Variants in DPYSL2 observed in about 807,000 individuals in gnomAD.
DPYSL2 encodes the protein dihydropyrimidinase like 2.
In DPYSL2, 13 loss-of-function variants were observed where a neutral mutation model predicts 69.9. That is an observed-to-expected ratio of 0.19 (90% confidence interval 0.12 to 0.30). The LOEUF is 0.30. Ranked by LOEUF, DPYSL2 falls within the 10% of genes least tolerant of loss-of-function variation. DPYSL2 has a pLI of 1.00. For missense variants in DPYSL2, 587 were observed against 918.9 expected, an observed-to-expected ratio of 0.64 and a Z score of 4.67; for synonymous variants, 326 against 359.1, an observed-to-expected ratio of 0.91 and a Z score of 1.04.
At chr8:26,532,902 G>C (rs1298020739) in intron 1 of DPYSL2, among the ~76,000 whole-genome samples, 1 of 152,126 alleles carries the variant, frequency 6.6e-6, no homozygotes, top group Non-Finnish European at 1.5e-5. Context: ...TAAAATTCCT[G>C]GGTTATTTGG....
rs1445703079 is a variant in DPYSL2 at position 26,580,295 on chromosome 8, G to T, written c.355-1674G>T. On this transcript the variant is annotated intron_variant, in intron 1 of 13. Transcript: ENST00000521913. The surrounding 1 kb of genome is among the most constrained non-coding windows in gnomAD (Gnocchi z 4.1). ...AGAGGACAAGTGCACTGATTTGAGT[G>T]ACCTGGGCAAGTGGCCTAACCTCTC... is the stretch of plus-strand genomic sequence containing the variant. Among the ~76,000 whole-genome samples, 1 of 152,166 alleles carries T rather than the reference G, an allele frequency of 6.6e-6. No individual in the cohort carries two copies. Among genetic ancestry groups the T allele is most frequent in the African/African-American group, 2.4e-5 (1 of 41,424 alleles).
At chr8:26,548,057 A>G (rs145185507) in intron 1 of DPYSL2, 12 of 253,906 alleles carry the variant, frequency 4.7e-5, no homozygotes, top group East Asian at 2.7e-4. Flanking sequence ...TGGTGATCAC[A>G]TGGATCCAGC....
chr8:26,550,761 A>G (rs1356822653), intron 1 of DPYSL2, among the ~76,000 whole-genome samples: 1 of 152,174 alleles, frequency 6.6e-6, no homozygotes, highest in Non-Finnish European at 1.5e-5. Context: ...GGAAGCTGGT[A>G]GCTGGCTCAG....
intron 1 of DPYSL2, among the ~76,000 whole-genome samples, chr8:26,541,632 A>G (rs1405367836): frequency 6.6e-6 from 1 of 152,212 alleles, no homozygotes; most frequent in Non-Finnish European, 1.5e-5. Flanking sequence ...TCGCTAATGG[A>G]TATATGATAT....
Position 26,581,954 on chromosome 8 carries a change from G to A in DPYSL2, c.355-15G>A, listed in dbSNP as rs765049299. On this transcript the variant is annotated splice_polypyrimidine_tract_variant and intron_variant, in intron 1 of 13. Transcript: ENST00000521913. ...GTCAGTTACGCGTTGTGACCTTACT[G>A]CCTCTTTGTTTCAGAGCGATCGTCT... 1 of 1,609,318 alleles carries A rather than the reference G, an allele frequency of 6.2e-7. No individual in the cohort carries two copies. Among genetic ancestry groups the A allele is most frequent in the Admixed American group, 1.7e-5 (1 of 59,998 alleles).
Position 26,641,023 on chromosome 8 carries a change from A to G in DPYSL2, c.1127-2416A>G, listed in dbSNP as rs965427079. Reference sequence around the variant, plus strand: ...CCTCATAGAGCAGCTCCCCACCCCAAGCTGAGTTGTGTTTCGCAGGGAGAG... The same window carrying G: ...CCTCATAGAGCAGCTCCCCACCCCAGGCTGAGTTGTGTTTCGCAGGGAGAG... On this transcript the variant is annotated intron_variant, in intron 8 of 13. Coordinates refer to ENST00000521913, the MANE Select transcript of DPYSL2 (RefSeq NM_001197293.3). This position sits in a 1 kb window ranked among gnomAD's most constrained non-coding sequence, Gnocchi z 4.1. Among the ~76,000 whole-genome samples, 4 of 152,176 alleles carry G rather than the reference A, an allele frequency of 2.6e-5. No homozygotes were observed. The highest frequency in any genetic ancestry group is 6.5e-5 in the Admixed American group (1 of 15,276).
rs750639372 is a variant in DPYSL2, at chr8:26,644,039, A to C, written c.1373A>C (p.Glu458Ala). ...AAGGACAACTTCACCCTGATTCCGG[A>C]GGGCACCAATGGCACTGAGGAGCGG... ...VGKDNFTLIP[E>A]GTNGTEERMS... Residue 458 changes from glutamate to alanine, a missense_variant, in exon 10 of 14, where the codon GAG (glutamate) becomes GCG (alanine). By Grantham distance (107) the Glu-to-Ala change is moderately radical. Coordinates refer to ENST00000521913, the MANE Select transcript of DPYSL2 (RefSeq NM_001197293.3). The surrounding 1 kb of genome is among the most constrained non-coding windows in gnomAD (Gnocchi z 4.5). 6.2e-7 allele frequency: 1 copy of C among 1,614,236 alleles called. No homozygotes were observed. Among genetic ancestry groups the C allele is most frequent in the Admixed American group, 1.7e-5 (1 of 60,034 alleles).
chr8:26,647,530 T>G lies in DPYSL2; in HGVS notation c.1426-100T>G. The G allele has an allele frequency of 1.5e-6, 2 of 1,298,732 alleles. No homozygotes were observed. The highest frequency in any genetic ancestry group is 2.1e-6 in the Non-Finnish European group (2 of 939,868). The allele number at this position is 1,298,732 out of a possible 1,614,324, so 80.5% of individuals were successfully genotyped here. ...CTTGGCACAACGCTCTTGACATCCA[T>G]CTAAGCTGTCGTGTGTATCAATAGT... is the stretch of plus-strand genomic sequence containing the variant. On this transcript the variant is annotated intron_variant, in intron 10 of 13. Transcript: ENST00000521913. The surrounding 1 kb of genome is among the most constrained non-coding windows in gnomAD (Gnocchi z 5.1).
At chr8:26,539,689 A>G (rs1161088422) in intron 1 of DPYSL2, among the ~76,000 whole-genome samples, 2 of 152,140 alleles carry the variant, frequency 1.3e-5, no homozygotes, top group Admixed American at 6.5e-5. Flanking sequence ...ACAGGGATGC[A>G]CCACCACGTC....
At chr8:26,529,128 A>G (rs1032193921) in intron 1 of DPYSL2, among the ~76,000 whole-genome samples, 2 of 152,192 alleles carry the variant, frequency 1.3e-5, no homozygotes, top group African/African-American at 4.8e-5. Flanking sequence ...ATGGCAAAGC[A>G]TCAGAAAAAC....
intron 7 of DPYSL2, among the ~76,000 whole-genome samples, chr8:26,629,589 C>T (rs1802695707): frequency 6.6e-6 from 1 of 152,184 alleles, no homozygotes; most frequent in African/African-American, 2.4e-5. Context: ...TGGCCTGGCA[C>T]AGGCCCGAGG....
In DPYSL2 at chr8:26,586,316, A is replaced by G. The variant is rs1276933581; in HGVS notation, c.628+2333A>G. On this transcript the variant is annotated intron_variant, in intron 3 of 13. Transcript: ENST00000521913. The surrounding 1 kb of genome is among the most constrained non-coding windows in gnomAD (Gnocchi z 4.7). ...CTACATGACCCTGGAAGTCCTTTCC[A>G]GCCCCCTACATTTGGCCATTCACTG... Among the ~76,000 whole-genome samples, 1 of 152,092 alleles carries G rather than the reference A, an allele frequency of 6.6e-6. No individual in the cohort carries two copies. The highest frequency in any genetic ancestry group is 1.5e-5 in the Non-Finnish European group (1 of 68,008).
intron 3 of DPYSL2, among the ~76,000 whole-genome samples, chr8:26,590,853 G>A (rs983243636): frequency 7.2e-5 from 11 of 152,240 alleles, no homozygotes; most frequent in Non-Finnish European, 1.2e-4. Context: ...ACACTTTACC[G>A]AATGCTTTTC....
intron 1 of DPYSL2, among the ~76,000 whole-genome samples, chr8:26,518,307 C>A (rs1183879823): frequency 6.6e-6 from 1 of 152,046 alleles, no homozygotes; most frequent in Non-Finnish European, 1.5e-5. Flanking sequence ...TCCAAAAAAC[C>A]TAAGACCCAC....
chr8:26,532,472 A>G lies in DPYSL2; in HGVS notation c.354+17793A>G, dbSNP rs180947311. Reference sequence around the variant, plus strand: ...AGATGTGCACCCATTATCATTGTCCACTTTCAGAACATTTGCATCATCCCC... The same window carrying G: ...AGATGTGCACCCATTATCATTGTCCGCTTTCAGAACATTTGCATCATCCCC... On this transcript the variant is annotated intron_variant, in intron 1 of 13. Coordinates refer to ENST00000521913, the MANE Select transcript of DPYSL2 (RefSeq NM_001197293.3). Among the ~76,000 whole-genome samples the G allele has an allele frequency of 4.0e-3, 612 of 152,294 alleles. 2 individuals are homozygous for G. The highest frequency in any genetic ancestry group is 0.013 in the African/African-American group (561 of 41,556).
At position 26,591,850 on chromosome 8, in the gene DPYSL2, C is replaced by G. The variant is rs958214236; in HGVS notation, c.628+7867C>G. ...CCAACCCATCCTGGCACTGCCTCCC[C>G]CTCTGCCCACCTCCCCTGCAAAGCT... On this transcript the variant is annotated intron_variant, in intron 3 of 13. Transcript: ENST00000521913. This position sits in a 1 kb window ranked among gnomAD's most constrained non-coding sequence, Gnocchi z 5.8. Among the ~76,000 whole-genome samples, 2 of 152,144 alleles carry G rather than the reference C, an allele frequency of 1.3e-5. No individual in the cohort carries two copies. Among genetic ancestry groups the G allele is most frequent in the African/African-American group, 2.4e-5 (1 of 41,430 alleles).
intron 3 of DPYSL2, among the ~76,000 whole-genome samples, chr8:26,596,104 G>A (rs1801856836): frequency 6.6e-6 from 1 of 152,146 alleles, no homozygotes; most frequent in South Asian, 2.1e-4. Flanking sequence ...CTGAGGCCTT[G>A]ACAGATATTT....
intron 7 of DPYSL2, among the ~76,000 whole-genome samples, chr8:26,630,256 C>G (rs941830252): frequency 6.6e-6 from 1 of 152,246 alleles, no homozygotes; most frequent in Non-Finnish European, 1.5e-5. Context: ...ACTTCTCCCT[C>G]TGGGCCGGCT....
chr8:26,552,163 A>G (rs868061961), intron 1 of DPYSL2, among the ~76,000 whole-genome samples: 23 of 152,224 alleles, frequency 1.5e-4, no homozygotes, highest in South Asian at 4.1e-4. Flanking sequence ...ACATCTCAAA[A>G]GAAATTTTAA....
Sources: gnomAD v4.1 joint callset for allele counts (sites outside exome capture counted in the v4.1 genomes callset) on GRCh38, gnomAD v4.1.1 for gene constraint, Gnocchi (gnomAD v3.1) non-coding constraint, MANE v1.5 for transcripts, NCBI Gene and HGNC (gene_info 2026-07-23, HGNC 2026-07-21) for gene names.